RDH12: variants seen among roughly 807,000 people sequenced by gnomAD.
RDH12 encodes all-trans and 9-cis retinol dehydrogenase.
RDH12 carries 21 observed loss-of-function variants against 34.0 expected under a neutral mutation model. The observed-to-expected ratio is 0.62, with a 90% CI of 0.44 to 0.89. The LOEUF (loss-of-function observed/expected upper bound fraction) is 0.89, where lower values mean the gene tolerates loss of function less well. RDH12 is among the 40% of genes least tolerant of loss of function. The pLI, the probability that RDH12 is intolerant of heterozygous loss-of-function variation, is 0.00. For missense variants in RDH12, 394 were observed against 398.6 expected (o/e 0.99, Z 0.10); for synonymous variants, 198 against 169.9 (o/e 1.17, Z -1.29).
chr14:67,725,292 G>T, intron 5 of RDH12, 38 bp downstream of exon 5: 1 of 1,608,430 alleles, frequency 6.2e-7, no homozygotes, highest in South Asian at 1.1e-5. Context: ...GCAGGAAATT[G>T]GGTATGGGAG....
At chr14:67,730,229 A>C (rs2038251777) in intron 8 of RDH12, among the ~76,000 whole-genome samples, 1 of 152,184 alleles carries the variant, frequency 6.6e-6, no homozygotes, top group Non-Finnish European at 1.5e-5. Flanking sequence ...AAAGTCATAT[A>C]GCTTATAAGT....
In RDH12 at chr14:67,722,520, C is replaced by T. The variant is rs960563752; in HGVS notation, c.-123C>T. 6.6e-5 allele frequency: 55 copies of T among 827,202 alleles called. No individual in the cohort carries two copies. Among genetic ancestry groups the T allele is most frequent in the Admixed American group, 5.6e-4 (33 of 58,940 alleles). The allele number at this position is 827,202 out of a possible 1,614,324, so 51.2% of individuals were successfully genotyped here. A position where few individuals can be genotyped will look rare whatever the true frequency, so the allele number is the denominator to read the frequency against. On this transcript the variant is annotated 5_prime_UTR_variant, in exon 3 of 9. The change creates a new upstream start codon in the 5' untranslated region. Transcript: ENST00000551171. ...TCAGGCTGCTGCTCAGCACCCAGGACGGAGAGGAGCAGAGAAGCAGCAGAA... is the reference window on the plus strand; with the variant it reads ...TCAGGCTGCTGCTCAGCACCCAGGATGGAGAGGAGCAGAGAAGCAGCAGAA...
intron 8 of RDH12, chr14:67,729,724 T>G (rs760654251): frequency 1.9e-6 from 1 of 523,678 alleles, no homozygotes; most frequent in South Asian, 1.5e-5. Context: ...ACTTGATTCA[T>G]GAATTTTTAA....
chr14:67,709,014 A>C (rs2037981889), intron 1 of RDH12, among the ~76,000 whole-genome samples: 1 of 152,140 alleles, frequency 6.6e-6, no homozygotes, highest in African/African-American at 2.4e-5. Context: ...GATGGTCTCG[A>C]TCTTTTGACC....
intron 5 of RDH12, 38 bp downstream of exon 5, chr14:67,725,292 G>A (rs765950597): frequency 6.2e-7 from 1 of 1,608,430 alleles, no homozygotes; most frequent in Non-Finnish European, 8.5e-7. Flanking sequence ...GCAGGAAATT[G>A]GGTATGGGAG....
rs552516182 is a variant in RDH12, at chr14:67,725,194, C to T, written c.283C>T (p.Arg95Trp). ...VDTKNSQVLV[R>W]KLDLSDTKSI... is the part of the protein sequence containing the mutation. ...TACAAAGAACTCCCAGGTGCTGGTGCGGAAATTGGACCTATCCGACACCAA... is the reference window on the plus strand; with the variant it reads ...TACAAAGAACTCCCAGGTGCTGGTGTGGAAATTGGACCTATCCGACACCAA... Residue 95 changes from arginine (R) to tryptophan (W), a missense_variant, in exon 5 of 9, where the codon CGG (arginine) becomes TGG (tryptophan). Coordinates refer to ENST00000551171, the MANE Select transcript of RDH12 (RefSeq NM_152443.3). 5.1e-5 allele frequency: 83 copies of T among 1,614,078 alleles called. 1 individual carries two copies. The East Asian group carries it at 1.4e-3, about 26-fold the overall frequency.
chr14:67,704,830 A>T (rs887546402), intron 1 of RDH12, among the ~76,000 whole-genome samples: 1 of 152,194 alleles, frequency 6.6e-6, no homozygotes, highest in African/African-American at 2.4e-5. Context: ...GTAGCCAAGG[A>T]GGAAACCAGC....
In RDH12 at chr14:67,713,987, A is replaced by AATG. The variant is rs2038040071; in HGVS notation, c.-274-6860_-274-6858dup. ...TGAGGAGAGGTATGACTTTGAATAG[A>AATG]ATGGGAGGCAGGTTTGCCCTAAACA... On this transcript the variant is annotated intron_variant, in intron 1 of 8. Coordinates refer to ENST00000551171, the MANE Select transcript of RDH12 (RefSeq NM_152443.3). 2.0e-5 allele frequency among the ~76,000 whole-genome samples: 3 copies of AATG among 152,284 alleles called. No individual in the cohort carries two copies. In the South Asian group the frequency reaches 6.2e-4, roughly 32 times the overall value.
chr14:67,729,882 A>G (rs904887160), intron 8 of RDH12: 6 of 449,648 alleles, frequency 1.3e-5, no homozygotes, highest in Non-Finnish European at 2.7e-5. Context: ...ATGAGCAACT[A>G]GAGTCTGGGA....
At chr14:67,710,039 A>C (rs532557822) in intron 1 of RDH12, among the ~76,000 whole-genome samples, 260 of 152,328 alleles carry the variant, frequency 1.7e-3, no homozygotes, top group Non-Finnish European at 2.5e-3. Flanking sequence ...GTGACCTGGA[A>C]GCTCCCTCCC....
chr14:67,718,431 AG>A (rs998280547), intron 1 of RDH12, among the ~76,000 whole-genome samples: 4 of 152,250 alleles, frequency 2.6e-5, no homozygotes, highest in Non-Finnish European at 5.9e-5. Flanking sequence ...ATGAGCTGCT[AG>A]ATGATTTATG....
intron 1 of RDH12, among the ~76,000 whole-genome samples, chr14:67,710,264 G>A (rs28844401): frequency 0.064 from 9,779 of 152,202 alleles, 995 homozygotes; most frequent in African/African-American, 0.22. Context: ...TAAATTAACT[G>A]AGACCTGTCT....
At chr14:67,720,325 A>C (rs1038068596) in intron 1 of RDH12, among the ~76,000 whole-genome samples, 1 of 152,060 alleles carries the variant, frequency 6.6e-6, no homozygotes, top group Non-Finnish European at 1.5e-5. Context: ...ATTTCCCCCC[A>C]GTTTCTCATT....
intron 1 of RDH12, among the ~76,000 whole-genome samples, chr14:67,710,352 A>G (rs571225394): frequency 9.2e-5 from 14 of 152,300 alleles, no homozygotes; most frequent in Middle Eastern, 3.4e-3. Flanking sequence ...TTTTTTTCCT[A>G]AGCAAACCAA....
At chr14:67,723,123 G>C (rs1426060178) in intron 3 of RDH12, among the ~76,000 whole-genome samples, 1 of 152,172 alleles carries the variant, frequency 6.6e-6, no homozygotes, top group Non-Finnish European at 1.5e-5. Context: ...AGGTAGTTTG[G>C]GAAAGAAACA....
At chr14:67,705,800 T>G (rs1297413826) in intron 1 of RDH12, among the ~76,000 whole-genome samples, 1 of 152,140 alleles carries the variant, frequency 6.6e-6, no homozygotes, top group African/African-American at 2.4e-5. Flanking sequence ...TGATCAACCA[T>G]GACAGAGGAA....
At chr14:67,709,214 T>C (rs2037983898) in intron 1 of RDH12, among the ~76,000 whole-genome samples, 1 of 152,206 alleles carries the variant, frequency 6.6e-6, no homozygotes. Context: ...TAATAGGTCA[T>C]TGTGAAATAA....
intron 8 of RDH12, among the ~76,000 whole-genome samples, chr14:67,732,916 T>C (rs2038302414): frequency 6.6e-6 from 1 of 152,084 alleles, no homozygotes; most frequent in Non-Finnish European, 1.5e-5. Flanking sequence ...GCACTGCATG[T>C]TCCGAATGTT....
intron 1 of RDH12, among the ~76,000 whole-genome samples, chr14:67,702,752 GTA>G (rs1394080820): frequency 1.3e-5 from 2 of 152,144 alleles, no homozygotes; most frequent in African/African-American, 4.8e-5. Flanking sequence ...CATATTACAT[GTA>G]TATATGTAAA....
Sources: allele counts gnomAD v4.1 joint callset (sites outside exome capture counted in the v4.1 genomes callset), GRCh38; gene constraint gnomAD v4.1.1; transcripts MANE v1.5; gene names NCBI Gene and HGNC (gene_info 2026-07-23, HGNC 2026-07-21).